The following PRKACB variants were observed in gnomAD, a reference collection of about 807,000 sequenced individuals.
PRKACB encodes protein kinase cAMP-activated catalytic subunit beta, also known as cAMP-dependent protein kinase catalytic subunit beta.
In PRKACB, 16 loss-of-function variants were observed where a neutral mutation model predicts 51.4. That is an observed-to-expected ratio of 0.31 (90% confidence interval 0.21 to 0.47). The LOEUF is 0.47. Ranked by LOEUF, PRKACB falls within the 20% of genes least tolerant of loss-of-function variation. The pLI, the probability that PRKACB is intolerant of heterozygous loss-of-function variation, is 1.00. For synonymous variants in PRKACB, 147 were observed against 154.4 expected (o/e 0.95, Z 0.35); for missense variants, 309 against 464.5 (o/e 0.67, Z 3.08).
At chr1:84,125,640 C>G (rs776911145) in intron 1 of PRKACB, among the ~76,000 whole-genome samples, 1 of 152,102 alleles carries the variant, frequency 6.6e-6, no homozygotes, top group Non-Finnish European at 1.5e-5. Flanking sequence ...GACTCAGTCA[C>G]AATTAAGAGG....
chr1:84,189,043 T>C (rs952771324), intron 5 of PRKACB, among the ~76,000 whole-genome samples: 2 of 151,954 alleles, frequency 1.3e-5, no homozygotes, highest in African/African-American at 4.8e-5. Flanking sequence ...TAGGATATTA[T>C]CTTGATAAAA....
intron 1 of PRKACB, among the ~76,000 whole-genome samples, chr1:84,094,323 G>A (rs544586848): frequency 1.8e-4 from 28 of 151,890 alleles, no homozygotes; most frequent in African/African-American, 3.6e-4. Flanking sequence ...TTATTTCTGC[G>A]TCTGTGAGTT....
At chr1:84,191,901 T>C (rs1394943275) in intron 5 of PRKACB, among the ~76,000 whole-genome samples, 2 of 152,120 alleles carry the variant, frequency 1.3e-5, no homozygotes, top group Non-Finnish European at 2.9e-5. Flanking sequence ...TCATGTGAAC[T>C]AAAATATTTT....
At chr1:84,101,054 A>G (rs539994812) in intron 1 of PRKACB, among the ~76,000 whole-genome samples, 5 of 152,350 alleles carry the variant, frequency 3.3e-5, no homozygotes, top group South Asian at 4.1e-4. Flanking sequence ...CTGTAAGGCT[A>G]TGTGCCAGTC....
intron 1 of PRKACB, among the ~76,000 whole-genome samples, chr1:84,091,023 T>C (rs1486289134): frequency 6.6e-6 from 1 of 152,066 alleles, no homozygotes; most frequent in Non-Finnish European, 1.5e-5. Flanking sequence ...CGTGTACCCC[T>C]TTTCCCTTCA....
intron 1 of PRKACB, among the ~76,000 whole-genome samples, chr1:84,085,293 G>A (rs1647877319): frequency 6.6e-6 from 1 of 152,174 alleles, no homozygotes; most frequent in Non-Finnish European, 1.5e-5. Context: ...TAACATAGAT[G>A]TTTAAAAGTT....
At chr1:84,207,885 T>C (rs1365191206) in intron 8 of PRKACB, among the ~76,000 whole-genome samples, 2 of 152,210 alleles carry the variant, frequency 1.3e-5, no homozygotes, top group Admixed American at 6.5e-5. Flanking sequence ...TTTACTTTTT[T>C]GAGATGGAAT....
At chr1:84,082,600 T>C (rs1264073209) in intron 1 of PRKACB, among the ~76,000 whole-genome samples, 1 of 152,174 alleles carries the variant, frequency 6.6e-6, no homozygotes, top group Non-Finnish European at 1.5e-5. Flanking sequence ...TTTAAAAGTA[T>C]TGGCAAATTC....
chr1:84,103,747 A>C (rs535383995), intron 1 of PRKACB, among the ~76,000 whole-genome samples: 175 of 152,296 alleles, frequency 1.1e-3, no homozygotes, highest in Middle Eastern at 3.4e-3. Flanking sequence ...TTGTTACATA[A>C]CACAGATAAC....
chr1:84,082,565 T>A (rs188202843), intron 1 of PRKACB, among the ~76,000 whole-genome samples: 2 of 152,146 alleles, frequency 1.3e-5, no homozygotes, highest in Non-Finnish European at 2.9e-5. Context: ...ATAAAAAAAA[T>A]TATTATTTGA....
intron 1 of PRKACB, among the ~76,000 whole-genome samples, chr1:84,079,306 A>G (rs1215992358): frequency 6.6e-6 from 1 of 152,224 alleles, no homozygotes; most frequent in Non-Finnish European, 1.5e-5. Context: ...TATTTGTTAT[A>G]TCACCAGGAG....
chr1:84,085,842 C>T lies in PRKACB; in HGVS notation c.46+7471C>T, dbSNP rs1018692344. The T allele has an allele frequency of 2.7e-5, 13 of 486,906 alleles. 1 individual carries two copies. In the Admixed American group the frequency reaches 3.0e-4, roughly 11 times the overall value. The allele number at this position is 486,906 out of a possible 1,614,324, so 30.2% of individuals were successfully genotyped here. On this transcript the variant is annotated intron_variant, in intron 1 of 8. Transcript: ENST00000370688. ...CTCTCACTTCTGGAGCCCTGCAGACCCCACAGTGCAGTCCTGGTGGCCTGG... is the reference window on the plus strand; with the variant it reads ...CTCTCACTTCTGGAGCCCTGCAGACTCCACAGTGCAGTCCTGGTGGCCTGG...
At chr1:84,191,862 C>T (rs997889761) in intron 5 of PRKACB, among the ~76,000 whole-genome samples, 1 of 151,878 alleles carries the variant, frequency 6.6e-6, no homozygotes, top group African/African-American at 2.4e-5. Context: ...AATTAAAAAA[C>T]CAATTAATTT....
intron 1 of PRKACB, chr1:84,175,843 C>A: frequency 1.4e-6 from 2 of 1,432,404 alleles, no homozygotes; most frequent in Non-Finnish European, 9.3e-7. Flanking sequence ...ATGTGATAGA[C>A]TATTTAAATC....
upstream of PRKACB, among the ~76,000 whole-genome samples, chr1:84,139,780 C>T (rs552701712): frequency 5.8e-4 from 88 of 152,184 alleles, no homozygotes; most frequent in African/African-American, 2.0e-3. Context: ...GAAAAAGGGC[C>T]GGGCACTGTG....
At chr1:84,141,284 A>C (rs1653395269), upstream of PRKACB, among the ~76,000 whole-genome samples, 1 of 152,156 alleles carries the variant, frequency 6.6e-6, no homozygotes, top group Non-Finnish European at 1.5e-5. Flanking sequence ...AGGAAGAATA[A>C]CAAGCAATAT....
chr1:84,089,720 A>G (rs1287340125), intron 1 of PRKACB, among the ~76,000 whole-genome samples: 1 of 152,134 alleles, frequency 6.6e-6, no homozygotes, highest in Non-Finnish European at 1.5e-5. Context: ...GTTCATTCAG[A>G]TGTCTAGTCT....
At chr1:84,163,882 G>A (rs1054298611) in intron 1 of PRKACB, among the ~76,000 whole-genome samples, 1 of 151,802 alleles carries the variant, frequency 6.6e-6, no homozygotes, top group Non-Finnish European at 1.5e-5. Context: ...TAGATTCTTT[G>A]TACCATTTTG....
chr1:84,091,879 C>T (rs1410189172), intron 1 of PRKACB, among the ~76,000 whole-genome samples: 1 of 152,118 alleles, frequency 6.6e-6, no homozygotes, highest in African/African-American at 2.4e-5. Flanking sequence ...CTTTATTGTA[C>T]TCAGGGGCAT....
Sources: gnomAD v4.1 joint callset for allele counts (sites outside exome capture counted in the v4.1 genomes callset) on GRCh38, gnomAD v4.1.1 for gene constraint, MANE v1.5 for transcripts, NCBI Gene and HGNC (gene_info 2026-07-23, HGNC 2026-07-21) for gene names.